The following PTPRG variants were observed in gnomAD, a reference collection of about 807,000 sequenced individuals.
PTPRG encodes protein tyrosine phosphatase receptor type G.
In PTPRG, 102 loss-of-function variants were observed where a neutral mutation model predicts 165.3. The observed-to-expected ratio is 0.62, with a 90% CI of 0.53 to 0.73. The LOEUF is 0.73. Ranked by LOEUF, PTPRG falls within the 30% of genes least tolerant of loss-of-function variation. PTPRG has a pLI of 0.00. For missense variants in PTPRG, 1,866 were observed against 1,861.4 expected (o/e 1.00, Z -0.05); for synonymous variants, 675 against 669.5 (o/e 1.01, Z -0.13).
intron 1 of PTPRG, among the ~76,000 whole-genome samples, chr3:61,680,796 T>C (rs1703416355): frequency 1.4e-5 from 1 of 73,026 alleles, no homozygotes; most frequent in Admixed American, 1.5e-4. Context: ...CAGCAGGCAA[T>C]AACTAGGGTT....
chr3:61,628,267 T>G (rs1004751557), intron 1 of PTPRG, among the ~76,000 whole-genome samples: 6 of 152,174 alleles, frequency 3.9e-5, no homozygotes, highest in Non-Finnish European at 8.8e-5. Context: ...GTAATTTTTC[T>G]CTTTTCTAGC....
Position 61,998,824 on chromosome 3 carries a change from C to G in PTPRG, c.371-4525C>G, listed in dbSNP as rs190143742. Among the ~76,000 whole-genome samples the G allele has an allele frequency of 4.6e-5, 7 of 152,330 alleles. No individual in the cohort carries two copies. The East Asian group carries it at 9.7e-4, about 21-fold the overall frequency. On this transcript the variant is annotated intron_variant, in intron 3 of 29. Transcript: ENST00000474889. ...ACTTCATTCACCACATAGACCTTTCCTGTCTTTGCTCTTAGCCCATCTGTC... is the reference window on the plus strand; with the variant it reads ...ACTTCATTCACCACATAGACCTTTCGTGTCTTTGCTCTTAGCCCATCTGTC...
chr3:61,808,635 G>T lies in PTPRG; in HGVS notation c.190+59653G>T, dbSNP rs2035484015. 2.0e-5 allele frequency among the ~76,000 whole-genome samples: 3 copies of T among 152,046 alleles called. No homozygotes were observed. The South Asian group carries it at 6.2e-4, about 32-fold the overall frequency. On this transcript the variant is annotated intron_variant, in intron 2 of 29. Coordinates refer to ENST00000474889, the MANE Select transcript of PTPRG (RefSeq NM_002841.4). ...CATCCCTTTCGCAAAATCGCACAAA[G>T]ATTTCAACTTAGGCCTAAAATCTTT...
chr3:62,274,591 T>A (rs1416137416), intron 23 of PTPRG, among the ~76,000 whole-genome samples: 1 of 152,160 alleles, frequency 6.6e-6, no homozygotes. Flanking sequence ...GTATCAAGAT[T>A]CAAAGAATGA....
At chr3:61,867,665 A>C (rs1332765753) in intron 2 of PTPRG, among the ~76,000 whole-genome samples, 3 of 151,934 alleles carry the variant, frequency 2.0e-5, no homozygotes, top group African/African-American at 7.2e-5. Context: ...TAAGCTCTTC[A>C]CCCTGTACCT....
At chr3:62,227,176 C>T (rs1278751852) in intron 13 of PTPRG, among the ~76,000 whole-genome samples, 1 of 152,160 alleles carries the variant, frequency 6.6e-6, no homozygotes, top group Non-Finnish European at 1.5e-5. Context: ...CAGATCCCTC[C>T]TGTACTGCCA....
chr3:61,651,924 C>G (rs1230883160), intron 1 of PTPRG, among the ~76,000 whole-genome samples: 1 of 152,024 alleles, frequency 6.6e-6, no homozygotes, highest in Non-Finnish European at 1.5e-5. Flanking sequence ...GCAGGAGAAT[C>G]ACTTGAACCT....
At chr3:62,098,818 T>G (rs1189895068) in intron 5 of PTPRG, among the ~76,000 whole-genome samples, 1 of 152,210 alleles carries the variant, frequency 6.6e-6, no homozygotes, top group Non-Finnish European at 1.5e-5. Context: ...TCTTCCAACC[T>G]TTCATACTTA....
intron 4 of PTPRG, among the ~76,000 whole-genome samples, chr3:62,051,715 A>T (rs1488348626): frequency 1.3e-5 from 2 of 152,178 alleles, no homozygotes; most frequent in Admixed American, 6.5e-5. Context: ...AGGTTTTAGA[A>T]TACTAGTTTT....
intron 1 of PTPRG, among the ~76,000 whole-genome samples, chr3:61,694,025 A>AAAAAGAGAGAG (rs1553650991): frequency 6.8e-6 from 1 of 145,992 alleles, no homozygotes; most frequent in African/African-American, 2.5e-5. Context: ...AAAAAAAAAA[A>AAAAAGAGAGAG]AGAGAGAGAG....
rs1352302578 is a variant in PTPRG, at chr3:62,269,867, C to T, written c.3009+698C>T. Among the ~76,000 whole-genome samples, 4 of 152,208 alleles carry T rather than the reference C, an allele frequency of 2.6e-5. No individual in the cohort carries two copies. The East Asian group carries it at 5.8e-4, about 22-fold the overall frequency. On this transcript the variant is annotated intron_variant, in intron 20 of 29. Coordinates refer to ENST00000474889, the MANE Select transcript of PTPRG (RefSeq NM_002841.4). ...CAAGACCCCCGGTGGATGCTTGAAA[C>T]CTCAGGTAGTACTGAAGCCTATTTA...
chr3:61,814,218 G>T (rs954467660), intron 2 of PTPRG, among the ~76,000 whole-genome samples: 2 of 152,132 alleles, frequency 1.3e-5, no homozygotes, highest in African/African-American at 4.8e-5. Context: ...TATTTTTACA[G>T]TGAAGATATT....
At position 62,129,570 on chromosome 3, in the gene PTPRG, G is replaced by C. The variant is rs543178295; in HGVS notation, c.616-3032G>C. Among the ~76,000 whole-genome samples, 5 of 152,264 alleles carry C rather than the reference G, an allele frequency of 3.3e-5. No individual in the cohort carries two copies. In the South Asian group the frequency reaches 1.0e-3, roughly 32 times the overall value. ...AGAGAATGTGAGAGAGCAAGAGGGG[G>C]TTGCAAGGGGGCCAAACTCACTTTT... On this transcript the variant is annotated intron_variant, in intron 5 of 29. Transcript: ENST00000474889.
At chr3:61,840,618 T>G (rs919545405) in intron 2 of PTPRG, among the ~76,000 whole-genome samples, 1 of 152,166 alleles carries the variant, frequency 6.6e-6, no homozygotes, top group Non-Finnish European at 1.5e-5. Context: ...CAAAGAATCA[T>G]TGATGACTGG....
intron 4 of PTPRG, among the ~76,000 whole-genome samples, chr3:62,063,255 T>C (rs1700879620): frequency 6.6e-6 from 1 of 152,228 alleles, no homozygotes; most frequent in African/African-American, 2.4e-5. Flanking sequence ...TTCCAGAGAA[T>C]TGATAGAAAG....
At chr3:61,944,183 A>C (rs920599375) in intron 2 of PTPRG, among the ~76,000 whole-genome samples, 1 of 152,074 alleles carries the variant, frequency 6.6e-6, no homozygotes, top group African/African-American at 2.4e-5. Context: ...CCACTAGATA[A>C]CTGCTGTGAC....
intron 2 of PTPRG, among the ~76,000 whole-genome samples, chr3:61,874,566 G>T (rs1407510799): frequency 2.0e-5 from 3 of 151,476 alleles, no homozygotes; most frequent in Non-Finnish European, 4.4e-5. Context: ...TAAATTCGTA[G>T]AAATTGATCT....
At position 62,200,313 on chromosome 3, in the gene PTPRG, C is replaced by T. The variant is rs1333286257; in HGVS notation, c.1328-1192C>T. 3.3e-5 allele frequency among the ~76,000 whole-genome samples: 5 copies of T among 151,920 alleles called. No individual in the cohort carries two copies. The East Asian group carries it at 7.7e-4, about 23-fold the overall frequency. On this transcript the variant is annotated intron_variant, in intron 10 of 29. Coordinates refer to ENST00000474889, the MANE Select transcript of PTPRG (RefSeq NM_002841.4). ...TTGAGACAAAGTCTTGCTGTGTCATCAGGCTGGAATGCAATGATGCAATCT... is the reference window on the plus strand; with the variant it reads ...TTGAGACAAAGTCTTGCTGTGTCATTAGGCTGGAATGCAATGATGCAATCT...
chr3:62,187,937 T>C (rs1211010826), intron 8 of PTPRG, among the ~76,000 whole-genome samples: 2 of 152,212 alleles, frequency 1.3e-5, no homozygotes, highest in Non-Finnish European at 2.9e-5. Context: ...CGAGGCCAGA[T>C]CTACCTCCTT....
Sources: gnomAD v4.1 joint callset for allele counts (sites outside exome capture counted in the v4.1 genomes callset) on GRCh38, gnomAD v4.1.1 for gene constraint, MANE v1.5 for transcripts, NCBI Gene and HGNC (gene_info 2026-07-23, HGNC 2026-07-21) for gene names.